PPFIBP2: variants seen among roughly 807,000 people sequenced by gnomAD.
PPFIBP2 encodes the protein PPFIB scaffold protein 2.
A neutral mutation model predicts 118.3 loss-of-function variants in PPFIBP2; 118 were observed. That is an observed-to-expected ratio of 1.00 (90% CI 0.86 to 1.16). PPFIBP2 has a LOEUF of 1.16. PPFIBP2 is among the 50% of genes most tolerant of loss of function. PPFIBP2 has a pLI of 0.00. For missense variants in PPFIBP2, 1,195 were observed against 1,073.1 expected, an observed-to-expected ratio of 1.11 and a Z score of -1.59; for synonymous variants, 414 against 397.4, an observed-to-expected ratio of 1.04 and a Z score of -0.50.
rs559201619 is a variant in PPFIBP2, at chr11:7,642,614, G to A, written c.1646+188G>A. On this transcript the variant is annotated intron_variant, in intron 17 of 23. Coordinates refer to ENST00000299492, the MANE Select transcript of PPFIBP2 (RefSeq NM_003621.5). ...TATCTCCTAAGTTCTGAGTTACTCA[G>A]CCAAGATCAGTACTCCTGGAGGTCT... is the stretch of plus-strand genomic sequence containing the variant. Among the ~76,000 whole-genome samples the A allele has an allele frequency of 2.0e-5, 3 of 152,296 alleles. No individual in the cohort carries two copies. In the South Asian group the frequency reaches 6.2e-4, roughly 32 times the overall value.
At chr11:7,655,624 A>C, downstream of PPFIBP2, 1 of 786,298 alleles carries the variant, frequency 1.3e-6, no homozygotes, top group Non-Finnish European at 1.8e-6. Context: ...TGCTGGGGTC[A>C]CAGCCTGAGC....
At chr11:7,515,234 T>A (rs1394992411) in intron 1 of PPFIBP2, among the ~76,000 whole-genome samples, 1 of 152,210 alleles carries the variant, frequency 6.6e-6, no homozygotes, top group Admixed American at 6.5e-5. Flanking sequence ...TGGGGATGAT[T>A]GATGAGGTTT....
chr11:7,526,742 G>A (rs1850267723), intron 1 of PPFIBP2, among the ~76,000 whole-genome samples: 1 of 152,074 alleles, frequency 6.6e-6, no homozygotes, highest in Non-Finnish European at 1.5e-5. Flanking sequence ...GTGACTATGC[G>A]GAAGCTTCTC....
chr11:7,632,085 G>C (rs931397592), intron 11 of PPFIBP2, among the ~76,000 whole-genome samples: 5 of 152,222 alleles, frequency 3.3e-5, no homozygotes, highest in Non-Finnish European at 5.9e-5. Flanking sequence ...GCACAGTGTT[G>C]TGGTAGGTAC....
Position 7,639,729 on chromosome 11 carries a change from T to C in PPFIBP2, c.1237-3T>C. Reference sequence around the variant, plus strand: ...TCTCTCTCTTTCTCTCACCTTCCAATAGGACAGCCCTTTCTTGGCGGAGCA... The same window carrying C: ...TCTCTCTCTTTCTCTCACCTTCCAACAGGACAGCCCTTTCTTGGCGGAGCA... On this transcript the variant is annotated splice_region_variant and splice_polypyrimidine_tract_variant and intron_variant, in intron 14 of 23. Transcript: ENST00000299492. 1 of 1,614,040 alleles carries C rather than the reference T, an allele frequency of 6.2e-7. No individual in the cohort carries two copies. The highest frequency in any genetic ancestry group is 1.1e-5 in the South Asian group (1 of 91,036).
intron 1 of PPFIBP2, among the ~76,000 whole-genome samples, chr11:7,520,606 CT>C (rs1849669417): frequency 6.6e-6 from 1 of 151,634 alleles, no homozygotes; most frequent in African/African-American, 2.4e-5. Flanking sequence ...GAAGGAAGCA[CT>C]AATATAAACA....
In PPFIBP2 at chr11:7,651,784, G is replaced by A. The variant is rs5864; in HGVS notation, c.2376G>A (p.Glu792=). The A allele has an allele frequency of 0.67, 1,077,148 of 1,613,210 alleles. 360,228 individuals are homozygous for A. The highest frequency in any genetic ancestry group is 0.73 in the African/African-American group (54,852 of 74,856). ...TGATTGGTCCGGAGGCTGAACAGGA[G>A]AAGCGAGAGAAAATGGCCTCACCAG... ...NALIGPEAEQ[E]KREKMASPAY... Residue 792 remains glutamate, a synonymous_variant, in exon 23 of 24, where the codon GAG becomes GAA. Transcript: ENST00000299492.
chr11:7,630,879 T>C (rs749380165), intron 10 of PPFIBP2, 46 bp from the exon 11 acceptor site: 2 of 1,393,862 alleles, frequency 1.4e-6, no homozygotes, highest in South Asian at 1.2e-5. Flanking sequence ...TATAGGTTTC[T>C]GAACATGAAT....
rs1169413429 is a variant in PPFIBP2 at position 7,570,300 on chromosome 11, TC to T, written c.279+4534del. ...ACCTAGGCTGATACACAGTGTTGATTCGTGTCCCAGGTCTTTGGGTGACGCC... is the reference window on the plus strand; with the variant it reads ...ACCTAGGCTGATACACAGTGTTGATTGTGTCCCAGGTCTTTGGGTGACGCC... On this transcript the variant is annotated intron_variant, in intron 3 of 23. Coordinates refer to ENST00000299492, the MANE Select transcript of PPFIBP2 (RefSeq NM_003621.5). Among the ~76,000 whole-genome samples, 3 of 152,178 alleles carry T rather than the reference TC, an allele frequency of 2.0e-5. No individual in the cohort carries two copies. In the East Asian group the frequency reaches 5.8e-4, roughly 29 times the overall value.
At chr11:7,624,292 T>A (rs74513057) in intron 7 of PPFIBP2, among the ~76,000 whole-genome samples, 5,159 of 152,282 alleles carry the variant, frequency 0.034, 112 homozygotes, top group Middle Eastern at 0.061. Context: ...CAGAATCTTG[T>A]ACTACTCCCG....
At chr11:7,613,630 A>G (rs1016435130) in intron 6 of PPFIBP2, among the ~76,000 whole-genome samples, 3 of 152,222 alleles carry the variant, frequency 2.0e-5, no homozygotes, top group Admixed American at 1.3e-4. Context: ...AGGATGAAGC[A>G]TGAAAGAAAG....
At chr11:7,544,852 G>A (rs564676100) in intron 1 of PPFIBP2, among the ~76,000 whole-genome samples, 1 of 151,826 alleles carries the variant, frequency 6.6e-6, no homozygotes, top group Admixed American at 6.6e-5. Context: ...ATGTCGCTTG[G>A]GATTTTGGCT....
chr11:7,521,465 A>G (rs1590098548), intron 1 of PPFIBP2, among the ~76,000 whole-genome samples: 1 of 152,174 alleles, frequency 6.6e-6, no homozygotes, highest in South Asian at 2.1e-4. Context: ...ATTTGCATAC[A>G]CTATTTTATC....
Position 7,648,453 on chromosome 11 carries a change from C to A in PPFIBP2, c.1713C>A (p.Gly571=). Residue 571 remains glycine (G), a synonymous_variant, in exon 18 of 24, where the codon GGC becomes GGA. Coordinates refer to ENST00000299492, the MANE Select transcript of PPFIBP2 (RefSeq NM_003621.5). ...TGTGTGCATGGCTGGAGGACTTTGGCCTGGCTCAGTATGTGATCTTTGCCA... is the reference window on the plus strand; with the variant it reads ...TGTGTGCATGGCTGGAGGACTTTGGACTGGCTCAGTATGTGATCTTTGCCA... ...ERVCAWLEDF[G]LAQYVIFARQ... The A allele has an allele frequency of 6.2e-7, 1 of 1,614,014 alleles. No individual in the cohort carries two copies. Among genetic ancestry groups the A allele is most frequent in the Non-Finnish European group, 8.5e-7 (1 of 1,180,006 alleles).
downstream of PPFIBP2, among the ~76,000 whole-genome samples, chr11:7,659,656 TTAAAG>T: frequency 7.4e-6 from 1 of 135,486 alleles, no homozygotes; most frequent in Non-Finnish European, 1.6e-5. Context: ...CATATGAACT[TTAAAG>T]TAGTTTTTTC....
At position 7,555,094 on chromosome 11, in the gene PPFIBP2, A is replaced by G. The variant is rs897870735; in HGVS notation, c.64+5555A>G. Among the ~76,000 whole-genome samples, 4 of 152,234 alleles carry G rather than the reference A, an allele frequency of 2.6e-5. No individual in the cohort carries two copies. The South Asian group carries it at 6.2e-4, about 24-fold the overall frequency. ...ACCTCCCTCTGGATGGCCTAGAGCA[A>G]CTGCCACAGACACTAATTTTGCATG... On this transcript the variant is annotated intron_variant, in intron 2 of 23. Transcript: ENST00000299492.
At chr11:7,662,957 G>A in the PPFIBP2 span, among the ~76,000 whole-genome samples, 1 of 137,822 alleles carries the variant, frequency 7.3e-6, no homozygotes, top group African/African-American at 2.5e-5. Context: ...TGAGGCTTCT[G>A]CATTCTTCAC....
intron 5 of PPFIBP2, among the ~76,000 whole-genome samples, chr11:7,604,917 A>G (rs1244837875): frequency 1.3e-5 from 2 of 152,232 alleles, no homozygotes; most frequent in Non-Finnish European, 2.9e-5. Flanking sequence ...CAGAACTCAG[A>G]GAACAGAGCC....
At chr11:7,656,738 C>T (rs1022011143), downstream of PPFIBP2, 43 of 1,289,670 alleles carry the variant, frequency 3.3e-5, no homozygotes, top group Non-Finnish European at 4.2e-5. Context: ...CAATGCTGAG[C>T]CAGGACCAGC....
Sources: allele counts gnomAD v4.1 joint callset (sites outside exome capture counted in the v4.1 genomes callset), GRCh38; gene constraint gnomAD v4.1.1; transcripts MANE v1.5; gene names NCBI Gene and HGNC (gene_info 2026-07-23, HGNC 2026-07-21).